CENPI: variants seen among roughly 807,000 people sequenced by gnomAD.
CENPI encodes the protein FSH primary response 1.
CENPI carries 4 observed loss-of-function variants against 60.4 expected under a neutral mutation model. The observed-to-expected ratio is 0.07, with a 90% CI of 0.03 to 0.15. CENPI has a LOEUF of 0.15. CENPI is among the 10% of genes least tolerant of loss of function. CENPI has a pLI of 1.00. For synonymous variants in CENPI, 157 were observed against 189.4 expected, an observed-to-expected ratio of 0.83 and a Z score of 1.40; for missense variants, 444 against 534.5, an observed-to-expected ratio of 0.83 and a Z score of 1.67.
chrX:101,170,648 T>C (rs1406499808), downstream of CENPI, among the ~76,000 whole-genome samples: 1 of 111,887 alleles, frequency 8.9e-6, no homozygotes, highest in Non-Finnish European at 1.9e-5. Context: ...TTTTCTTTTT[T>C]CTTTGAGACA....
chrX:101,138,546 T>C (rs1245805527), intron 15 of CENPI, among the ~76,000 whole-genome samples: 1 of 110,470 alleles, frequency 9.1e-6, no homozygotes, highest in Non-Finnish European at 1.9e-5. Flanking sequence ...CAGGATAGTC[T>C]TGATCTCCTG....
At chrX:101,140,825 G>T in intron 16 of CENPI, 65 bp downstream of exon 16, 1 of 804,193 alleles carries the variant, frequency 1.2e-6, no homozygotes, top group East Asian at 3.3e-5. Flanking sequence ...ATGTTTAATA[G>T]TGTGGCGTGA....
rs2089413678 is a variant in CENPI, at chrX:101,101,309, T to TTTCATAAAGGA, written c.226+13_226+14insTTCATAAAGGA. On this transcript the variant is annotated intron_variant, in intron 3 of 21. Coordinates refer to ENST00000682095, the MANE Select transcript of CENPI (RefSeq NM_001386188.2). ...TATTTTGAGAAAGGTAAAGGTGGATTGTTTTCCTTATGAAACTCCTATTTC... is the reference window on the plus strand; with the variant it reads ...TATTTTGAGAAAGGTAAAGGTGGATTTTCATAAAGGAGTTTTCCTTATGAAACTCCTATTTC... 5.6e-6 allele frequency: 6 copies of TTTCATAAAGGA among 1,075,345 alleles called. No individual in the cohort carries two copies. Among genetic ancestry groups the TTTCATAAAGGA allele is most frequent in the Non-Finnish European group, 7.7e-6 (6 of 777,182 alleles). The allele number at this position is 1,075,345 out of a possible 1,213,427, so 88.6% of individuals were successfully genotyped here.
intron 4 of CENPI, among the ~76,000 whole-genome samples, chrX:101,107,148 A>G (rs1276645179): frequency 1.9e-5 from 2 of 106,105 alleles, no homozygotes; most frequent in Admixed American, 2.1e-4. Context: ...AAATATATAT[A>G]TTTTTAATTT....
Position 101,120,728 on chromosome X carries a change from T to C in CENPI, c.641-10T>C. The C allele has an allele frequency of 8.3e-7, 1 of 1,206,382 alleles. No homozygotes were observed. Among genetic ancestry groups the C allele is most frequent in the Non-Finnish European group, 1.1e-6 (1 of 891,153 alleles). ...AAATGCATAGTACGTCTTTCCTTTA[T>C]GTTTTCTAGTCAAACCATTTCGTGT... On this transcript the variant is annotated splice_polypyrimidine_tract_variant and intron_variant, in intron 7 of 21. Transcript: ENST00000682095.
intron 20 of CENPI, among the ~76,000 whole-genome samples, chrX:101,151,729 G>A (rs980236916): frequency 5.6e-5 from 6 of 107,739 alleles, no homozygotes; most frequent in African/African-American, 2.0e-4. Flanking sequence ...AGCTACTCAG[G>A]AGGCTGAGGC....
intron 20 of CENPI, among the ~76,000 whole-genome samples, chrX:101,152,794 C>CTA (rs113925958): frequency 0.22 from 23,597 of 108,579 alleles, 1,974 homozygotes; most frequent in South Asian, 0.32. Flanking sequence ...AATAATATTC[C>CTA]TATATATATA....
chrX:101,147,527 T>A (rs2089972518), intron 18 of CENPI, among the ~76,000 whole-genome samples: 1 of 111,574 alleles, frequency 9.0e-6, no homozygotes, highest in Non-Finnish European at 1.9e-5. Context: ...CATTGCTTAT[T>A]TTTTATTTAG....
intron 20 of CENPI, among the ~76,000 whole-genome samples, chrX:101,158,738 C>A (rs1602862553): frequency 9.1e-6 from 1 of 110,238 alleles, no homozygotes; most frequent in Admixed American, 9.7e-5. Flanking sequence ...TCAAGTGATT[C>A]TCATGCCTTC....
chrX:101,169,397 T>A (rs2090151627), downstream of CENPI, among the ~76,000 whole-genome samples: 1 of 112,190 alleles, frequency 8.9e-6, no homozygotes, highest in African/African-American at 3.2e-5. Flanking sequence ...ATGGTGGTAG[T>A]CCCATAAGAT....
chrX:101,112,768 G>A (rs1316238369), intron 6 of CENPI, among the ~76,000 whole-genome samples: 4 of 110,733 alleles, frequency 3.6e-5, no homozygotes, highest in African/African-American at 1.3e-4. Flanking sequence ...CACCCGCCTC[G>A]GGTTCCCAAC....
At chrX:101,173,827 C>T in the CENPI span, among the ~76,000 whole-genome samples, 1 of 110,724 alleles carries the variant, frequency 9.0e-6, no homozygotes, top group Admixed American at 9.6e-5. Context: ...AAAAAAAAAC[C>T]TGGACCAGAT....
intron 8 of CENPI, among the ~76,000 whole-genome samples, chrX:101,124,044 C>T (rs1219813749): frequency 1.8e-5 from 2 of 109,712 alleles, no homozygotes; most frequent in South Asian, 3.9e-4. Flanking sequence ...ACAGAATTCT[C>T]CTGTTTCCTG....
chrX:101,162,492 A>ATATATATATATATATAT, intron 21 of CENPI, among the ~76,000 whole-genome samples: 2 of 101,476 alleles, frequency 2.0e-5, no homozygotes, highest in African/African-American at 7.4e-5. Flanking sequence ...ATATATATAT[A>ATATATATATATATATAT]ATTATCTCAT....
At chrX:101,156,208 C>T (rs768650970) in intron 20 of CENPI, among the ~76,000 whole-genome samples, 1 of 110,903 alleles carries the variant, frequency 9.0e-6, no homozygotes, top group East Asian at 2.9e-4. Context: ...AGATGGGTTT[C>T]ACCATGTTGG....
At chrX:101,154,083 A>T (rs1337755905) in intron 20 of CENPI, among the ~76,000 whole-genome samples, 1 of 111,712 alleles carries the variant, frequency 9.0e-6, no homozygotes, top group African/African-American at 3.3e-5. Flanking sequence ...ATGGACTCTT[A>T]ATTCTATTTT....
chrX:101,146,480 T>C (rs908234872), intron 18 of CENPI, among the ~76,000 whole-genome samples: 5 of 110,532 alleles, frequency 4.5e-5, no homozygotes, highest in African/African-American at 1.6e-4. Flanking sequence ...GGCTACAGAA[T>C]AAAAAAAAAT....
At chrX:101,144,087 CTTTTTTT>C (rs58858609) in intron 16 of CENPI, among the ~76,000 whole-genome samples, 1 of 79,648 alleles carries the variant, frequency 1.3e-5, no homozygotes, top group African/African-American at 5.2e-5. Flanking sequence ...TTTTCTTTTT[CTTTTTTT>C]TTTTTTTTTT....
chrX:101,160,422 C>T (rs1213888543), intron 20 of CENPI, among the ~76,000 whole-genome samples: 1 of 102,835 alleles, frequency 9.7e-6, no homozygotes, highest in African/African-American at 3.6e-5. Context: ...GCTCTGTTGC[C>T]CAGGCTGGAG....
Sources: allele counts gnomAD v4.1 joint callset (sites outside exome capture counted in the v4.1 genomes callset), GRCh38; gene constraint gnomAD v4.1.1; transcripts MANE v1.5; gene names NCBI Gene and HGNC (gene_info 2026-07-23, HGNC 2026-07-21).